CSTPP1: variants seen among roughly 807,000 people sequenced by gnomAD.
The protein encoded by CSTPP1 is centriolar satellite-associated tubulin polyglutamylase complex regulator 1.
At chr11:47,047,058 A>T in the CSTPP1 span, among the ~76,000 whole-genome samples, 1 of 151,262 alleles carries the variant, frequency 6.6e-6, no homozygotes, top group Non-Finnish European at 1.5e-5. Flanking sequence ...CCGCCACCAC[A>T]CCTGGCTAAT....
the CSTPP1 span, chr11:47,137,513 A>C: frequency 6.5e-7 from 1 of 1,530,720 alleles, no homozygotes; most frequent in Non-Finnish European, 8.8e-7. Flanking sequence ...AGACTAGCAT[A>C]CCCTTCACAC....
the CSTPP1 span, among the ~76,000 whole-genome samples, chr11:47,008,255 G>A: frequency 3.9e-5 from 6 of 152,198 alleles, no homozygotes; most frequent in Non-Finnish European, 8.8e-5. Context: ...GTGAGCCACC[G>A]CGCCCAGCCA....
At chr11:47,037,924 G>A in the CSTPP1 span, among the ~76,000 whole-genome samples, 2 of 127,568 alleles carry the variant, frequency 1.6e-5, 1 homozygote, top group Non-Finnish European at 3.8e-5. Flanking sequence ...ATGGGGTGGT[G>A]GCCGGGCAGA....
chr11:46,942,243 T>C, the CSTPP1 span, among the ~76,000 whole-genome samples: 1 of 152,210 alleles, frequency 6.6e-6, no homozygotes, highest in Non-Finnish European at 1.5e-5. Flanking sequence ...GAAATAAGTA[T>C]AGACCCTCTC....
At chr11:47,030,146 C>T in the CSTPP1 span, among the ~76,000 whole-genome samples, 1 of 151,486 alleles carries the variant, frequency 6.6e-6, no homozygotes, top group African/African-American at 2.4e-5. Context: ...CAAAACAAAA[C>T]AAAAAAAACC....
chr11:47,143,438 C>T, the CSTPP1 span, among the ~76,000 whole-genome samples: 2 of 152,184 alleles, frequency 1.3e-5, no homozygotes, highest in South Asian at 2.1e-4. Context: ...ATGATGTGTG[C>T]GTAAAAGAAT....
chr11:47,065,891 A>G, the CSTPP1 span, among the ~76,000 whole-genome samples: 5 of 151,890 alleles, frequency 3.3e-5, no homozygotes, highest in African/African-American at 1.2e-4. Flanking sequence ...TTACAGGGAC[A>G]TGCCACCACC....
chr11:46,996,885 C>T, the CSTPP1 span, among the ~76,000 whole-genome samples: 9 of 152,172 alleles, frequency 5.9e-5, no homozygotes, highest in Admixed American at 3.9e-4. Flanking sequence ...TATTGGCCCC[C>T]ACTCTCTTCT....
chr11:47,003,623 C>A, the CSTPP1 span, among the ~76,000 whole-genome samples: 1 of 152,282 alleles, frequency 6.6e-6, no homozygotes, highest in African/African-American at 2.4e-5. Context: ...AATTGTGATT[C>A]CCTTCTTCAA....
chr11:47,022,035 GTT>G, the CSTPP1 span, among the ~76,000 whole-genome samples: 2 of 139,190 alleles, frequency 1.4e-5, no homozygotes. Context: ...CACATATATG[GTT>G]TTTTTTTTTT....
At chr11:47,143,346 C>T in the CSTPP1 span, among the ~76,000 whole-genome samples, 1 of 152,196 alleles carries the variant, frequency 6.6e-6, no homozygotes. Context: ...AGGAACTGCC[C>T]TCTCCCATTT....
the CSTPP1 span, among the ~76,000 whole-genome samples, chr11:46,952,500 T>G: frequency 6.6e-6 from 1 of 152,214 alleles, no homozygotes; most frequent in East Asian, 1.9e-4. Context: ...ACCTAGTATA[T>G]GCGGTGGAGA....
chr11:47,098,843 C>G, the CSTPP1 span, among the ~76,000 whole-genome samples: 7 of 152,134 alleles, frequency 4.6e-5, no homozygotes, highest in Non-Finnish European at 1.0e-4. Context: ...CTGTGTAAAT[C>G]TGATCCATCA....
the CSTPP1 span, among the ~76,000 whole-genome samples, chr11:47,121,319 A>G: frequency 6.6e-6 from 1 of 152,204 alleles, no homozygotes; most frequent in East Asian, 1.9e-4. Context: ...ATGTCTTGGA[A>G]CCCTGTAAGT....
the CSTPP1 span, among the ~76,000 whole-genome samples, chr11:47,011,033 A>G: frequency 1.1e-4 from 16 of 152,154 alleles, no homozygotes; most frequent in African/African-American, 3.9e-4. Flanking sequence ...AACACTTCCT[A>G]ATATATTATT....
chr11:46,966,878 T>A, the CSTPP1 span, among the ~76,000 whole-genome samples: 4 of 152,126 alleles, frequency 2.6e-5, no homozygotes, highest in Non-Finnish European at 4.4e-5. Flanking sequence ...TGGGGTGGCT[T>A]AAACAACTGT....
At chr11:46,999,989 C>T in the CSTPP1 span, among the ~76,000 whole-genome samples, 2 of 152,152 alleles carry the variant, frequency 1.3e-5, no homozygotes, top group African/African-American at 4.8e-5. Flanking sequence ...GTCTGCAAGA[C>T]CATGAGCTCT....
chr11:46,957,779 G>A, the CSTPP1 span, among the ~76,000 whole-genome samples: 4 of 151,988 alleles, frequency 2.6e-5, no homozygotes, highest in African/African-American at 7.2e-5. Context: ...AATTTTTCTT[G>A]TTTTCTCTTT....
chr11:47,120,322 C>G, the CSTPP1 span, among the ~76,000 whole-genome samples: 1 of 152,040 alleles, frequency 6.6e-6, no homozygotes, highest in Non-Finnish European at 1.5e-5. This position sits in a 1 kb window ranked among gnomAD's most constrained non-coding sequence, Gnocchi z 4.2. Flanking sequence ...GAGATGGAGT[C>G]CCTACCCTCA....
Sources: allele counts gnomAD v4.1 joint callset (sites outside exome capture counted in the v4.1 genomes callset), GRCh38; gene constraint gnomAD v4.1.1; non-coding constraint Gnocchi (gnomAD v3.1); transcripts MANE v1.5; gene names NCBI Gene and HGNC (gene_info 2026-07-23, HGNC 2026-07-21).